ATRNL1: variants seen among roughly 807,000 people sequenced by gnomAD.
The protein encoded by ATRNL1 is attractin-like protein 1.
ATRNL1 carries 95 observed loss-of-function variants against 182.7 expected under a neutral mutation model. The observed-to-expected ratio is 0.52, with a 90% CI of 0.44 to 0.62. ATRNL1 has a LOEUF of 0.62. Ranked by LOEUF, ATRNL1 falls within the 20% of genes least tolerant of loss-of-function variation. The probability of loss-of-function intolerance (pLI) is 0.00; values close to 1 mark genes in which losing one functional copy is unlikely to be tolerated. For synonymous variants in ATRNL1, 576 were observed against 568.3 expected (o/e 1.01, Z -0.19); for missense variants, 1,471 against 1,679.5 (o/e 0.88, Z 2.17).
At chr10:115,101,768 A>T (rs576548566) in intron 1 of ATRNL1, among the ~76,000 whole-genome samples, 1 of 152,272 alleles carries the variant, frequency 6.6e-6, no homozygotes, top group South Asian at 2.1e-4. Context: ...GGGAATTGGC[A>T]TTATTTCTTC....
intron 27 of ATRNL1, among the ~76,000 whole-genome samples, chr10:115,832,815 T>C (rs1950588296): frequency 6.6e-6 from 1 of 152,198 alleles, no homozygotes; most frequent in Non-Finnish European, 1.5e-5. Context: ...CCTGCATCTC[T>C]GTCTCAACCT....
At chr10:115,185,319 C>G (rs1459108460) in intron 8 of ATRNL1, among the ~76,000 whole-genome samples, 1 of 152,000 alleles carries the variant, frequency 6.6e-6, no homozygotes, top group Non-Finnish European at 1.5e-5. Context: ...GGAGCTGATT[C>G]TATGACTGTG....
At chr10:115,566,964 A>G (rs1854110704) in intron 26 of ATRNL1, among the ~76,000 whole-genome samples, 2 of 152,146 alleles carry the variant, frequency 1.3e-5, no homozygotes, top group African/African-American at 2.4e-5. Context: ...TCATATTCCA[A>G]TTACTAACAA....
At chr10:115,137,456 C>A (rs1845565056) in intron 5 of ATRNL1, among the ~76,000 whole-genome samples, 1 of 152,176 alleles carries the variant, frequency 6.6e-6, no homozygotes. Flanking sequence ...TTGATAAAGA[C>A]ATACCCAAGA....
Position 115,282,751 on chromosome 10 carries a change from G to A in ATRNL1, c.2233+1264G>A, listed in dbSNP as rs74663481. Among the ~76,000 whole-genome samples the A allele has an allele frequency of 1.8e-4, 28 of 151,554 alleles. No individual in the cohort carries two copies. In the East Asian group the frequency reaches 5.2e-3, roughly 28 times the overall value. ...TGACAGAGTTGTAGCTATTAACTAG[G>A]TGTTTTATTTCTGTTTAGTATTTTA... On this transcript the variant is annotated intron_variant, in intron 14 of 28. Transcript: ENST00000355044.
At chr10:115,453,315 C>G (rs1209071841) in intron 21 of ATRNL1, among the ~76,000 whole-genome samples, 1 of 148,708 alleles carries the variant, frequency 6.7e-6, no homozygotes, top group African/African-American at 2.4e-5. Flanking sequence ...TTCCCATAAA[C>G]AGTATACAAG....
At chr10:115,173,160 A>G (rs1592209750) in intron 8 of ATRNL1, among the ~76,000 whole-genome samples, 1 of 152,012 alleles carries the variant, frequency 6.6e-6, no homozygotes, top group African/African-American at 2.4e-5. Context: ...GCTTGCTTAC[A>G]TACATTATTG....
At position 115,504,389 on chromosome 10, in the gene ATRNL1, A is replaced by G. The variant is rs1457187298; in HGVS notation, c.3655-14874A>G. 2.6e-5 allele frequency among the ~76,000 whole-genome samples: 4 copies of G among 152,076 alleles called. No individual in the cohort carries two copies. The East Asian group carries it at 7.7e-4, about 29-fold the overall frequency. On this transcript the variant is annotated intron_variant, in intron 24 of 28. Coordinates refer to ENST00000355044, the MANE Select transcript of ATRNL1 (RefSeq NM_207303.4). ...AAGATGAAGATAACATTCCCTTCCC[A>G]AAACAAACCGTATTGCCTGTGGACT...
chr10:115,631,420 T>C (rs1858501127), intron 26 of ATRNL1, among the ~76,000 whole-genome samples: 2 of 152,016 alleles, frequency 1.3e-5, no homozygotes, highest in Non-Finnish European at 2.9e-5. Context: ...ATATTACACA[T>C]GCTAACAAAG....
intron 3 of ATRNL1, among the ~76,000 whole-genome samples, chr10:115,126,868 T>G (rs1844997946): frequency 6.6e-6 from 1 of 152,196 alleles, no homozygotes; most frequent in Non-Finnish European, 1.5e-5. Flanking sequence ...TAGGTAATTT[T>G]CCTCATGAAC....
intron 24 of ATRNL1, among the ~76,000 whole-genome samples, chr10:115,516,439 TAC>T (rs1850640863): frequency 6.6e-6 from 1 of 151,912 alleles, no homozygotes; most frequent in Admixed American, 6.6e-5. Context: ...TTGTGCAAGC[TAC>T]TATTGCCTTA....
chr10:115,382,593 T>C (rs1858081816), intron 19 of ATRNL1, among the ~76,000 whole-genome samples: 1 of 151,994 alleles, frequency 6.6e-6, no homozygotes, highest in Non-Finnish European at 1.5e-5. Context: ...TAATAGACTT[T>C]TTGTGGATTA....
chr10:115,642,526 C>T (rs1409380745), intron 26 of ATRNL1, among the ~76,000 whole-genome samples: 2 of 151,850 alleles, frequency 1.3e-5, no homozygotes, highest in African/African-American at 4.8e-5. Context: ...TCACTGCAAC[C>T]TCTGCCTCCC....
chr10:115,361,729 T>G (rs552289336), intron 19 of ATRNL1, among the ~76,000 whole-genome samples: 3 of 152,170 alleles, frequency 2.0e-5, no homozygotes, highest in South Asian at 4.1e-4. Context: ...CTCTCATTTT[T>G]TAATGTGGTA....
chr10:115,776,045 A>G (rs1688330272), intron 27 of ATRNL1, among the ~76,000 whole-genome samples: 1 of 152,176 alleles, frequency 6.6e-6, no homozygotes, highest in East Asian at 1.9e-4. Context: ...ACAAGAGGTA[A>G]CACTGTTATA....
At chr10:115,741,820 TG>T (rs1314896470) in intron 27 of ATRNL1, among the ~76,000 whole-genome samples, 1 of 152,114 alleles carries the variant, frequency 6.6e-6, no homozygotes, top group East Asian at 1.9e-4. Flanking sequence ...CTTGAACTCA[TG>T]GGAGTGAGAA....
chr10:115,605,740 ACT>A lies in ATRNL1; in HGVS notation c.3795+56208_3795+56209del, dbSNP rs1856840137. ...GAAATGCATCGAAAAAATATCAGTGACTCTCATTCATCAAAATATTCAAGCCA... is the reference window on the plus strand; with the variant it reads ...GAAATGCATCGAAAAAATATCAGTGACTCATTCATCAAAATATTCAAGCCA... On this transcript the variant is annotated intron_variant, in intron 26 of 28. Coordinates refer to ENST00000355044, the MANE Select transcript of ATRNL1 (RefSeq NM_207303.4). Among the ~76,000 whole-genome samples the A allele has an allele frequency of 2.0e-5, 3 of 151,946 alleles. No individual in the cohort carries two copies. In the South Asian group the frequency reaches 6.2e-4, roughly 32 times the overall value.
chr10:115,511,117 T>G (rs1850363228), intron 24 of ATRNL1, among the ~76,000 whole-genome samples: 1 of 151,870 alleles, frequency 6.6e-6, no homozygotes, highest in Non-Finnish European at 1.5e-5. Flanking sequence ...TCCAGAAATA[T>G]GTTTTATTTT....
chr10:115,172,254 A>G (rs1738613976), intron 8 of ATRNL1, among the ~76,000 whole-genome samples: 1 of 151,866 alleles, frequency 6.6e-6, no homozygotes, highest in African/African-American at 2.4e-5. Flanking sequence ...TCTTATTGCC[A>G]TTTCCACTCT....
Sources: gnomAD v4.1 joint callset for allele counts (sites outside exome capture counted in the v4.1 genomes callset) on GRCh38, gnomAD v4.1.1 for gene constraint, MANE v1.5 for transcripts, NCBI Gene and HGNC (gene_info 2026-07-23, HGNC 2026-07-21) for gene names.